TCEAL4: variants seen among roughly 807,000 people sequenced by gnomAD.
TCEAL4 encodes the protein transcription elongation factor A protein-like 4.
A neutral mutation model predicts 1.3 loss-of-function variants in TCEAL4; 1 was observed. The observed-to-expected ratio is 0.79, with a 90% CI of 0.28 to 3.76. TCEAL4 has a LOEUF of 3.76. Ranked by LOEUF, TCEAL4 falls within the 30% of genes most tolerant of loss-of-function variation. The pLI is 0.18. For missense variants in TCEAL4, 129 were observed against 154.7 expected, an observed-to-expected ratio of 0.83 and a Z score of 0.88; for synonymous variants, 54 against 50.7, an observed-to-expected ratio of 1.06 and a Z score of -0.28.
chrX:103,584,724 C>T (rs935550145), upstream of TCEAL4, among the ~76,000 whole-genome samples: 4 of 112,219 alleles, frequency 3.6e-5, no homozygotes, highest in Admixed American at 1.9e-4. Flanking sequence ...GATTCAAAGA[C>T]AGGCAGGGGA....
chrX:103,586,861 A>G lies in TCEAL4; in HGVS notation c.186A>G (p.Lys62=). The G allele has an allele frequency of 8.3e-7, 1 of 1,198,532 alleles. No individual in the cohort carries two copies. The highest frequency in any genetic ancestry group is 1.1e-6 in the Non-Finnish European group (1 of 888,650). Reference sequence around the variant, plus strand: ...GAGATGAGGAAATGTTAAAGGATAAAGGAAAGCCAGAGAGTGAGGGAGAGG... The same window carrying G: ...GAGATGAGGAAATGTTAAAGGATAAGGGAAAGCCAGAGAGTGAGGGAGAGG... ...KTGDEEMLKD[K]GKPESEGEAK... is the part of the protein sequence containing the mutation. Residue 62 remains lysine, a synonymous_variant, in exon 3 of 3, where the codon AAA becomes AAG. Transcript: ENST00000472484.
intron 1 of TCEAL4, chrX:103,585,949 A>G: frequency 9.3e-7 from 1 of 1,078,342 alleles, no homozygotes; most frequent in Non-Finnish European, 1.2e-6. Flanking sequence ...AGTAAACCCC[A>G]TCTGCCGTTC....
upstream of TCEAL4, among the ~76,000 whole-genome samples, chrX:103,582,869 A>G (rs916459445): frequency 8.9e-6 from 1 of 111,907 alleles, no homozygotes; most frequent in African/African-American, 3.2e-5. Flanking sequence ...AAAAGCAACA[A>G]TTGACAAATG....
chrX:103,579,133 G>C (rs1269516623), intron 2 of TCEAL4, among the ~76,000 whole-genome samples: 1 of 112,395 alleles, frequency 8.9e-6, no homozygotes, highest in African/African-American at 3.2e-5. Context: ...CTGTAGGTAT[G>C]AGGGCTTATT....
exon 1 of TCEAL4, chrX:103,576,298 TG>T: frequency 1.5e-6 from 1 of 647,327 alleles, no homozygotes; most frequent in Non-Finnish European, 2.3e-6. Context: ...TCAGGCTTTG[TG>T]GGATATCTAT....
chrX:103,583,199 T>C (rs1236400992), upstream of TCEAL4, among the ~76,000 whole-genome samples: 1 of 112,017 alleles, frequency 8.9e-6, no homozygotes, highest in Non-Finnish European at 1.9e-5. Flanking sequence ...TGGCTATTAT[T>C]AAAAAGTCAA....
upstream of TCEAL4, among the ~76,000 whole-genome samples, chrX:103,581,996 C>T (rs1030740671): frequency 1.3e-4 from 15 of 111,957 alleles, no homozygotes; most frequent in Admixed American, 1.4e-3. Flanking sequence ...CTAGAAAACG[C>T]CATTGTCTAA....
In TCEAL4 at chrX:103,586,278, C is replaced by T; in HGVS notation, c.-41C>T. ...GCCTGAAAAGGAGGAGCAACCTGTC[C>T]AGAATCCCCGCAGGTCCGTGAAAGT... On this transcript the variant is annotated 5_prime_UTR_variant, in exon 2 of 3. Transcript: ENST00000472484. The T allele has an allele frequency of 1.7e-6, 2 of 1,166,647 alleles. No homozygotes were observed. Among genetic ancestry groups the T allele is most frequent in the Non-Finnish European group, 2.3e-6 (2 of 873,047 alleles).
chrX:103,581,693 C>G (rs772549040), upstream of TCEAL4, among the ~76,000 whole-genome samples: 3 of 111,861 alleles, frequency 2.7e-5, no homozygotes, highest in Non-Finnish European at 5.6e-5. Context: ...AATTCAGTAT[C>G]CCTTTATGTT....
At chrX:103,578,443 T>C (rs1191209410) in intron 2 of TCEAL4, among the ~76,000 whole-genome samples, 3 of 111,953 alleles carry the variant, frequency 2.7e-5, no homozygotes, top group Non-Finnish European at 5.6e-5. Flanking sequence ...TAGTGTGCCA[T>C]TTGATGTTCC....
chrX:103,577,416 G>A (rs1391463518), intron 2 of TCEAL4, among the ~76,000 whole-genome samples: 1 of 111,735 alleles, frequency 8.9e-6, no homozygotes, highest in African/African-American at 3.3e-5. Context: ...TGAAGATATA[G>A]TTTTAAGTGA....
At chrX:103,582,172 G>A, upstream of TCEAL4, among the ~76,000 whole-genome samples, 1 of 111,220 alleles carries the variant, frequency 9.0e-6, no homozygotes, top group Middle Eastern at 4.6e-3. Flanking sequence ...AAAATTCCTA[G>A]GAATATAGCT....
intron 2 of TCEAL4, among the ~76,000 whole-genome samples, chrX:103,578,252 G>A (rs751059187): frequency 8.9e-6 from 1 of 111,829 alleles, no homozygotes; most frequent in Non-Finnish European, 1.9e-5. Flanking sequence ...TGAGTGATAG[G>A]TATTTAAGAT....
chrX:103,579,382 A>C (rs914015079), intron 2 of TCEAL4, among the ~76,000 whole-genome samples: 2 of 112,850 alleles, frequency 1.8e-5, no homozygotes. Context: ...AATTTTGGAA[A>C]TACTAAGTCT....
At chrX:103,585,432 A>AGGT, upstream of TCEAL4, 1 of 1,053,849 alleles carries the variant, frequency 9.5e-7, no homozygotes, top group East Asian at 3.6e-5. Flanking sequence ...CCTGCTGGAG[A>AGGT]GGTGGTGGGT....
At chrX:103,585,965 C>A (rs2073541034) in intron 1 of TCEAL4, 1 of 1,075,786 alleles carries the variant, frequency 9.3e-7, no homozygotes, top group Admixed American at 3.9e-5. Flanking sequence ...CGTTCCCGTG[C>A]GTAGAGAAAA....
At chrX:103,586,529 C>T in intron 2 of TCEAL4, 120 bp from the exon 3 acceptor site, 1 of 969,909 alleles carries the variant, frequency 1.0e-6, no homozygotes. Flanking sequence ...GCCTGGCCAG[C>T]TTAGGGGAAC....
chrX:103,576,518 T>C (rs1327680855), exon 1 of TCEAL4: 39 of 1,120,447 alleles, frequency 3.5e-5, no homozygotes, highest in Non-Finnish European at 4.6e-5. Context: ...AATCCCAGCG[T>C]TTTGGGAGGC....
exon 1 of TCEAL4, chrX:103,576,358 T>A: frequency 1.1e-6 from 1 of 946,298 alleles, no homozygotes; most frequent in Non-Finnish European, 1.5e-6. Context: ...ATACAGGTTA[T>A]TAAGGTTAGT....
Sources: gnomAD v4.1 joint callset for allele counts (sites outside exome capture counted in the v4.1 genomes callset) on GRCh38, gnomAD v4.1.1 for gene constraint, MANE v1.5 for transcripts, NCBI Gene and HGNC (gene_info 2026-07-23, HGNC 2026-07-21) for gene names.